The following ABCC4 variants were observed in gnomAD, a reference collection of about 807,000 sequenced individuals.
ABCC4 encodes the protein ATP binding cassette subfamily C member 4 (PEL blood group).
A neutral mutation model predicts 168.5 loss-of-function variants in ABCC4; 102 were observed. That is an observed-to-expected ratio of 0.61 (90% CI 0.52 to 0.71). The LOEUF is 0.71. ABCC4 is among the 30% of genes least tolerant of loss of function. The probability of loss-of-function intolerance (pLI) is 0.00; values close to 1 mark genes in which losing one functional copy is unlikely to be tolerated. For synonymous variants in ABCC4, 617 were observed against 590.7 expected, an observed-to-expected ratio of 1.04 and a Z score of -0.65; for missense variants, 1,402 against 1,605.8, an observed-to-expected ratio of 0.87 and a Z score of 2.17.
chr13:95,298,211 C>T (rs1056737225), intron 1 of ABCC4, among the ~76,000 whole-genome samples: 4 of 152,104 alleles, frequency 2.6e-5, no homozygotes, highest in East Asian at 3.9e-4. Flanking sequence ...ATCACTTGAA[C>T]CCAGGAGGCA....
chr13:95,212,225 T>A, intron 4 of ABCC4, among the ~76,000 whole-genome samples: 2 of 146,330 alleles, frequency 1.4e-5, no homozygotes, highest in African/African-American at 2.5e-5. Flanking sequence ...GAATCAATCG[T>A]AAAATACAAA....
At chr13:95,026,082 C>T (rs1243952220) in intron 30 of ABCC4, among the ~76,000 whole-genome samples, 1 of 151,892 alleles carries the variant, frequency 6.6e-6, no homozygotes, top group East Asian at 1.9e-4. Context: ...TCTTGTAAAA[C>T]TACAAGAATT....
chr13:95,157,432 A>G (rs1018889831), intron 19 of ABCC4, among the ~76,000 whole-genome samples: 8 of 151,160 alleles, frequency 5.3e-5, no homozygotes, highest in African/African-American at 1.9e-4. Flanking sequence ...AGAGGTGGAC[A>G]TTTGCAGTGA....
intron 30 of ABCC4, among the ~76,000 whole-genome samples, chr13:95,033,977 T>A (rs1379019090): frequency 2.0e-5 from 3 of 152,150 alleles, no homozygotes; most frequent in African/African-American, 7.2e-5. Context: ...CTGCCTCTTA[T>A]AGAAGGTGGA....
rs753635232 is a variant in ABCC4 at position 95,064,260 on chromosome 13, GTATATATA to G, written c.3211-1409_3211-1402del. 4.2e-3 allele frequency among the ~76,000 whole-genome samples: 91 copies of G among 21,490 alleles called. 1 individual carries two copies. Among genetic ancestry groups the G allele is most frequent in the African/African-American group, 0.017 (77 of 4,526 alleles). 14.1% of individuals were successfully genotyped at this position (21,490 alleles called of 152,430 possible). A position where few individuals can be genotyped will look rare whatever the true frequency, so the allele number is the denominator to read the frequency against. On this transcript the variant is annotated intron_variant, in intron 25 of 30. Transcript: ENST00000645237. ...GGTACATCCGGGTGTGTGTGTGTGT[GTATATATA>G]TATATATATATATATATATATATAT... is the stretch of plus-strand genomic sequence containing the variant.
At chr13:95,195,207 C>A (rs937422753) in intron 8 of ABCC4, among the ~76,000 whole-genome samples, 1 of 151,972 alleles carries the variant, frequency 6.6e-6, no homozygotes, top group African/African-American at 2.4e-5. Flanking sequence ...CTAAATAAAC[C>A]GAAAATACTG....
At chr13:95,178,755 A>C (rs2037795710) in intron 11 of ABCC4, among the ~76,000 whole-genome samples, 1 of 152,196 alleles carries the variant, frequency 6.6e-6, no homozygotes, top group Non-Finnish European at 1.5e-5. Flanking sequence ...AAGGGCTCAC[A>C]CCCAGGGAAA....
intron 1 of ABCC4, among the ~76,000 whole-genome samples, chr13:95,252,059 T>C (rs906241086): frequency 1.3e-5 from 2 of 152,134 alleles, no homozygotes; most frequent in Admixed American, 6.5e-5. Context: ...CTCAGATCTA[T>C]TGTCATGGCA....
At chr13:95,228,626 T>C (rs2039533825) in intron 4 of ABCC4, among the ~76,000 whole-genome samples, 1 of 151,288 alleles carries the variant, frequency 6.6e-6, no homozygotes, top group African/African-American at 2.4e-5. Flanking sequence ...AATACAAAAA[T>C]GCACCACCAT....
intron 11 of ABCC4, among the ~76,000 whole-genome samples, chr13:95,182,822 A>G (rs118084803): frequency 0.02 from 3,021 of 152,308 alleles, 27 homozygotes; most frequent in Non-Finnish European, 0.026. Context: ...ACTACCCACT[A>G]AAGTATCTAA....
chr13:95,058,567 CAAAAAA>C (rs1165324016), intron 26 of ABCC4, among the ~76,000 whole-genome samples: 7 of 62,790 alleles, frequency 1.1e-4, no homozygotes, highest in East Asian at 7.3e-4. Flanking sequence ...GACTCCATCT[CAAAAAA>C]AAAAAAAAAA....
intron 1 of ABCC4, among the ~76,000 whole-genome samples, chr13:95,274,118 A>G (rs562634314): frequency 6.6e-6 from 1 of 152,198 alleles, no homozygotes; most frequent in Non-Finnish European, 1.5e-5. Flanking sequence ...GCGTGAAAAC[A>G]GACTCATACA....
intron 1 of ABCC4, among the ~76,000 whole-genome samples, chr13:95,281,321 A>G (rs1427561536): frequency 1.3e-5 from 2 of 151,434 alleles, no homozygotes; most frequent in Admixed American, 6.6e-5. Context: ...AAAAAAAAAA[A>G]AAAGAGAGAG....
intron 30 of ABCC4, among the ~76,000 whole-genome samples, chr13:95,030,114 G>C (rs1293117284): frequency 6.6e-6 from 1 of 151,970 alleles, no homozygotes; most frequent in African/African-American, 2.4e-5. Context: ...TCCATCTCCT[G>C]GGTTCAAGTG....
At chr13:95,145,910 A>C (rs1381007583) in intron 19 of ABCC4, among the ~76,000 whole-genome samples, 1 of 152,078 alleles carries the variant, frequency 6.6e-6, no homozygotes. Flanking sequence ...GTACATGTGG[A>C]CTCTGAGAAG....
intron 1 of ABCC4, among the ~76,000 whole-genome samples, chr13:95,275,637 C>T (rs1364548381): frequency 6.6e-6 from 1 of 151,772 alleles, no homozygotes; most frequent in Non-Finnish European, 1.5e-5. Flanking sequence ...GAAATCAACT[C>T]TCTCAGCAGC....
At position 95,177,248 on chromosome 13, in the gene ABCC4, A is replaced by C. The variant is rs4148495; in HGVS notation, c.1727+459T>G. On this transcript the variant is annotated intron_variant, in intron 13 of 30. Transcript: ENST00000645237. Reference sequence around the variant, plus strand: ...AACAAAGCCTTCCCAAGAAAGCCCTATGTTGGTCCCAAGGACGTCACTTCT... The same window carrying C: ...AACAAAGCCTTCCCAAGAAAGCCCTCTGTTGGTCCCAAGGACGTCACTTCT... Among the ~76,000 whole-genome samples the C allele has an allele frequency of 3.3e-5, 5 of 152,264 alleles. No homozygotes were observed. In the South Asian group the frequency reaches 8.3e-4, roughly 25 times the overall value.
intron 3 of ABCC4, among the ~76,000 whole-genome samples, chr13:95,240,139 C>T (rs991265257): frequency 1.3e-5 from 2 of 152,178 alleles, no homozygotes; most frequent in African/African-American, 4.8e-5. Flanking sequence ...TTAAATGATA[C>T]AGCATGCAAG....
At chr13:95,086,386 A>T (rs1252961188) in intron 20 of ABCC4, among the ~76,000 whole-genome samples, 1 of 152,216 alleles carries the variant, frequency 6.6e-6, no homozygotes, top group African/African-American at 2.4e-5. Context: ...CAGGACACAA[A>T]ATGAAGGTTG....
Sources: allele counts gnomAD v4.1 joint callset (sites outside exome capture counted in the v4.1 genomes callset), GRCh38; gene constraint gnomAD v4.1.1; transcripts MANE v1.5; gene names NCBI Gene and HGNC (gene_info 2026-07-23, HGNC 2026-07-21).